Variants in PLEKHA5 observed in about 807,000 individuals in gnomAD.
PLEKHA5 encodes pleckstrin homology domain-containing family A member 5.
PLEKHA5 carries 55 observed loss-of-function variants against 181.9 expected under a neutral mutation model. The ratio of observed to expected loss-of-function variants is 0.30; its 90% CI spans 0.24 to 0.38. The LOEUF (loss-of-function observed/expected upper bound fraction) is 0.38. PLEKHA5 is among the 10% of genes least tolerant of loss of function. The pLI, the probability that PLEKHA5 is intolerant of heterozygous loss-of-function variation, is 1.00. For synonymous variants in PLEKHA5, 535 were observed against 529.4 expected, an observed-to-expected ratio of 1.01 and a Z score of -0.15; for missense variants, 1,432 against 1,549.5, an observed-to-expected ratio of 0.92 and a Z score of 1.27.
At position 19,322,649 on chromosome 12, in the gene PLEKHA5, A is replaced by G. The variant is rs1381862415; in HGVS notation, c.2430A>G (p.Glu810=). 3 of 1,612,686 alleles carry G rather than the reference A, an allele frequency of 1.9e-6. No individual in the cohort carries two copies. In the Admixed American group the frequency reaches 5.0e-5, roughly 27 times the overall value. Residue 810 remains glutamate, a synonymous_variant, in exon 20 of 32, where the codon GAA becomes GAG. Coordinates refer to ENST00000429027, the MANE Select transcript of PLEKHA5 (RefSeq NM_001256470.2). ...ATGGACTGCTTAGTACGTGTCGAGA[A>G]CTTTCTCGAGCCACTGCCGTAAGTA... ...LQNGLLSTCR[E]LSRATAELER... is the part of the protein sequence containing the mutation.
intron 13 of PLEKHA5, among the ~76,000 whole-genome samples, chr12:19,287,762 C>T (rs1411472741): frequency 6.6e-6 from 1 of 152,156 alleles, no homozygotes; most frequent in Non-Finnish European, 1.5e-5. Context: ...AAGTGTCTGA[C>T]TGGCCAAATA....
At chr12:19,196,416 A>T (rs1030304093) in intron 3 of PLEKHA5, among the ~76,000 whole-genome samples, 14 of 152,240 alleles carry the variant, frequency 9.2e-5, no homozygotes, top group African/African-American at 2.7e-4. Context: ...ATAGAGCATT[A>T]AGGTAACTAA....
chr12:19,367,258 C>CTTTTTTTTTTTTT (rs376634416), intron 30 of PLEKHA5, among the ~76,000 whole-genome samples: 1 of 72,004 alleles, frequency 1.4e-5, no homozygotes, highest in African/African-American at 5.6e-5. Flanking sequence ...TTTGCTTCTT[C>CTTTTTTTTTTTTT]TTTTTTTTTT....
chr12:19,294,739 A>T lies in PLEKHA5; in HGVS notation c.2037+3042A>T, dbSNP rs74829785. Among the ~76,000 whole-genome samples, 88 of 152,262 alleles carry T rather than the reference A, an allele frequency of 5.8e-4. No individual in the cohort carries two copies. In the East Asian group the frequency reaches 0.011, roughly 19 times the overall value. On this transcript the variant is annotated intron_variant, in intron 15 of 31. Transcript: ENST00000429027. ...TACTTCAGAGGTCAACTCATTTCTGATGCTACTGGAATGTTTAATAACAAA... is the reference window on the plus strand; with the variant it reads ...TACTTCAGAGGTCAACTCATTTCTGTTGCTACTGGAATGTTTAATAACAAA...
chr12:19,193,288 A>G (rs2051687308), intron 3 of PLEKHA5, among the ~76,000 whole-genome samples: 1 of 152,230 alleles, frequency 6.6e-6, no homozygotes, highest in South Asian at 2.1e-4. Context: ...TCATTAGGTA[A>G]GACTTTGTTT....
At chr12:19,165,163 T>A (rs2044014627) in intron 3 of PLEKHA5, among the ~76,000 whole-genome samples, 1 of 152,148 alleles carries the variant, frequency 6.6e-6, no homozygotes, top group Non-Finnish European at 1.5e-5. Context: ...TGCTGAAAAT[T>A]TCTTTTCTTG....
intron 21 of PLEKHA5, among the ~76,000 whole-genome samples, chr12:19,337,622 T>C (rs191217100): frequency 1.3e-5 from 2 of 151,108 alleles, no homozygotes; most frequent in Admixed American, 1.3e-4. Flanking sequence ...AGATAATACA[T>C]GTTTAAGAAA....
At chr12:19,144,127 A>G (rs1207472096) in intron 3 of PLEKHA5, among the ~76,000 whole-genome samples, 1 of 152,176 alleles carries the variant, frequency 6.6e-6, no homozygotes, top group Non-Finnish European at 1.5e-5. Flanking sequence ...GATTGAATAG[A>G]TGAAATTTGA....
At chr12:19,319,182 A>G (rs1006706152) in intron 16 of PLEKHA5, among the ~76,000 whole-genome samples, 4 of 152,176 alleles carry the variant, frequency 2.6e-5, no homozygotes, top group African/African-American at 2.4e-5. Flanking sequence ...TTTGAATAGT[A>G]TAAGAGTATT....
intron 4 of PLEKHA5, among the ~76,000 whole-genome samples, chr12:19,254,666 T>C (rs1395510017): frequency 5.0e-5 from 7 of 141,050 alleles, no homozygotes; most frequent in Admixed American, 1.4e-4. Flanking sequence ...ACTAAAAAAA[T>C]AGAAAAATTA....
chr12:19,359,789 C>G (rs971995856), intron 28 of PLEKHA5, among the ~76,000 whole-genome samples: 1 of 151,276 alleles, frequency 6.6e-6, no homozygotes, highest in African/African-American at 2.4e-5. Flanking sequence ...CGGTAAAACC[C>G]CGTCTCTACT....
chr12:19,226,267 AC>A (rs2059676778), intron 3 of PLEKHA5, among the ~76,000 whole-genome samples: 1 of 152,204 alleles, frequency 6.6e-6, no homozygotes, highest in Non-Finnish European at 1.5e-5. Flanking sequence ...ATGTATCAGT[AC>A]ATCATTCCTT....
chr12:19,298,497 T>C (rs1023946221), intron 15 of PLEKHA5, among the ~76,000 whole-genome samples: 1 of 141,658 alleles, frequency 7.1e-6, no homozygotes. Context: ...GCCTCCCGAG[T>C]AGCTGTGATT....
chr12:19,271,274 G>T (rs902820352), intron 10 of PLEKHA5, among the ~76,000 whole-genome samples: 1 of 152,190 alleles, frequency 6.6e-6, no homozygotes, highest in Non-Finnish European at 1.5e-5. Context: ...ACTTTGGGAG[G>T]TTGAGGGATC....
At chr12:19,369,033 T>A (rs1565674937) in intron 30 of PLEKHA5, among the ~76,000 whole-genome samples, 2 of 151,894 alleles carry the variant, frequency 1.3e-5, no homozygotes, top group Non-Finnish European at 2.9e-5. Context: ...GTTTGTTTTT[T>A]GTTGTTGTTG....
chr12:19,205,475 C>A, intron 3 of PLEKHA5: 1 of 600,026 alleles, frequency 1.7e-6, no homozygotes, highest in Non-Finnish European at 2.1e-6. Flanking sequence ...TTCTATTTTG[C>A]TCTAATCGGT....
rs556251683 is a variant in PLEKHA5, at chr12:19,291,256, A to T, written c.1984-388A>T. On this transcript the variant is annotated intron_variant, in intron 14 of 31. Transcript: ENST00000429027. ...AAAATGTCTTATTTTTAATGAAAAG[A>T]ACGAACACATAACCGTTTCTCAAAG... Among the ~76,000 whole-genome samples the T allele has an allele frequency of 3.3e-3, 504 of 152,328 alleles. 1 individual carries two copies. Among genetic ancestry groups the T allele is most frequent in the South Asian group, 0.027 (130 of 4,828 alleles).
At chr12:19,196,617 A>C (rs544516554) in intron 3 of PLEKHA5, among the ~76,000 whole-genome samples, 1 of 152,248 alleles carries the variant, frequency 6.6e-6, no homozygotes, top group Admixed American at 6.5e-5. Context: ...CCTAGCAGAG[A>C]AACCCTGTTT....
chr12:19,240,468 G>T (rs2062326886), intron 3 of PLEKHA5, among the ~76,000 whole-genome samples: 1 of 146,230 alleles, frequency 6.8e-6, no homozygotes. Flanking sequence ...TTAAAGACAG[G>T]GTCTTGCTGT....
Sources: gnomAD v4.1 joint callset for allele counts (sites outside exome capture counted in the v4.1 genomes callset) on GRCh38, gnomAD v4.1.1 for gene constraint, MANE v1.5 for transcripts, NCBI Gene and HGNC (gene_info 2026-07-23, HGNC 2026-07-21) for gene names.